The following INTS14 variants were observed in gnomAD, a reference collection of about 807,000 sequenced individuals.
INTS14 encodes the protein UPF0464 protein C15orf44.
Under a neutral mutation model 56.9 loss-of-function variants are expected in INTS14, and 27 were observed. The ratio of observed to expected loss-of-function variants is 0.47; its 90% CI spans 0.35 to 0.65. The LOEUF (loss-of-function observed/expected upper bound fraction) is 0.65. Among genes scored for constraint, INTS14 ranks in the 30% least tolerant of loss-of-function variants. The probability of loss-of-function intolerance (pLI) is 0.00; values close to 1 mark genes in which losing one functional copy is unlikely to be tolerated. For missense variants in INTS14, 517 were observed against 632.2 expected (o/e 0.82, Z 1.95); for synonymous variants, 207 against 236.2 (o/e 0.88, Z 1.13).
Position 65,598,880 on chromosome 15 carries a change from A to G in INTS14, c.597T>C (p.Ser199=). 6.2e-7 allele frequency: 1 copy of G among 1,612,632 alleles called. No homozygotes were observed. Among genetic ancestry groups the G allele is most frequent in the African/African-American group, 1.3e-5 (1 of 75,008 alleles). Residue 199 remains serine (S), a synonymous_variant, in exon 5 of 12, where the codon TCT becomes TCC. Coordinates refer to ENST00000313182, the MANE Select transcript of INTS14 (RefSeq NM_001394796.1). ...TCTAAGCATATACTCACCCAAACATAGACTGTACATTCTTCAAGCACAGGG... is the reference window on the plus strand; with the variant it reads ...TCTAAGCATATACTCACCCAAACATGGACTGTACATTCTTCAAGCACAGGG... ...DGPLCLKNVQ[S]MFGKLIDLAY...
Position 65,591,708 on chromosome 15 carries a change from T to A in INTS14, c.1010A>T (p.Tyr337Phe). 1 of 1,613,994 alleles carries A rather than the reference T, an allele frequency of 6.2e-7. No individual in the cohort carries two copies. Among genetic ancestry groups the A allele is most frequent in the East Asian group, 2.2e-5 (1 of 44,876 alleles). ...QLGPEWHGMLYSQADSKKKSN... is the reference protein window; with the variant it reads ...QLGPEWHGMLFSQADSKKKSN... ...TTTCTTCTTGCTGTCAGCTTGGGAGTAGAGCATTCCATGCCATTCAGGACT... is the reference window on the plus strand; with the variant it reads ...TTTCTTCTTGCTGTCAGCTTGGGAGAAGAGCATTCCATGCCATTCAGGACT... Residue 337 changes from tyrosine to phenylalanine, a missense_variant, in exon 9 of 12, where the codon TAC (tyrosine) becomes TTC (phenylalanine). Transcript: ENST00000313182.
In INTS14 at chr15:65,593,982, AT is replaced by A. The variant is rs2073122305; in HGVS notation, c.842-411del. On this transcript the variant is annotated intron_variant, in intron 7 of 11. Coordinates refer to ENST00000313182, the MANE Select transcript of INTS14 (RefSeq NM_001394796.1). The stretch of plus-strand genomic sequence containing the variant: ...AAAAACCACTTTAAATGGGTGAAGT[AT>A]ATGGTATGTGAATTATATCTCAGTA... 5.9e-5 allele frequency among the ~76,000 whole-genome samples: 9 copies of A among 152,322 alleles called. No individual in the cohort carries two copies. The South Asian group carries it at 1.9e-3, about 32-fold the overall frequency.
chr15:65,604,922 T>C (rs2073589846), intron 3 of INTS14, among the ~76,000 whole-genome samples: 1 of 152,208 alleles, frequency 6.6e-6, no homozygotes, highest in Non-Finnish European at 1.5e-5. Context: ...GTCAATTTAC[T>C]AGGAGGATGC....
chr15:65,583,095 G>A (rs1372200482), intron 10 of INTS14, among the ~76,000 whole-genome samples: 1 of 152,202 alleles, frequency 6.6e-6, no homozygotes, highest in African/African-American at 2.4e-5. Context: ...TAGCAGAAAT[G>A]TAAAATGGTG....
chr15:65,593,281 T>C, intron 8 of INTS14, 147 bp downstream of exon 8: 1 of 929,920 alleles, frequency 1.1e-6, no homozygotes, highest in Non-Finnish European at 1.6e-6. Context: ...AAAAAAGGAC[T>C]GTAGTAGCAG....
chr15:65,596,600 C>T (rs1026611452), intron 6 of INTS14, among the ~76,000 whole-genome samples: 5 of 151,916 alleles, frequency 3.3e-5, no homozygotes, highest in Non-Finnish European at 7.4e-5. Context: ...GATGGAGTTT[C>T]GCTCTTGTTG....
intron 6 of INTS14, among the ~76,000 whole-genome samples, chr15:65,596,684 C>T (rs916888555): frequency 6.6e-6 from 1 of 152,122 alleles, no homozygotes; most frequent in Non-Finnish European, 1.5e-5. Flanking sequence ...GATTCTCCTG[C>T]CTCAGCCTCC....
chr15:65,582,824 C>T (rs1362164503), intron 10 of INTS14, among the ~76,000 whole-genome samples: 1 of 151,852 alleles, frequency 6.6e-6, no homozygotes, highest in Non-Finnish European at 1.5e-5. Flanking sequence ...TCATAATATC[C>T]AGAATATATA....
intron 10 of INTS14, among the ~76,000 whole-genome samples, chr15:65,583,331 A>G (rs1415339747): frequency 2.3e-4 from 35 of 152,252 alleles, no homozygotes; most frequent in Admixed American, 2.3e-3. Context: ...ATACATATAG[A>G]CATATGGAAT....
intron 9 of INTS14, among the ~76,000 whole-genome samples, chr15:65,590,570 C>T (rs752028463): frequency 7.9e-5 from 12 of 152,222 alleles, no homozygotes; most frequent in Non-Finnish European, 1.2e-4. Context: ...TTCTTCCCTT[C>T]ATTAGCTCAG....
At chr15:65,582,986 C>T (rs1185294956) in intron 10 of INTS14, among the ~76,000 whole-genome samples, 1 of 152,014 alleles carries the variant, frequency 6.6e-6, no homozygotes, top group African/African-American at 2.4e-5. Context: ...AAAGACATAC[C>T]ACTTCACACC....
chr15:65,600,234 C>T (rs2073379153), intron 3 of INTS14, among the ~76,000 whole-genome samples: 1 of 151,992 alleles, frequency 6.6e-6, no homozygotes, highest in Non-Finnish European at 1.5e-5. Context: ...TCACTTGAGC[C>T]TGGGAGGTCA....
At chr15:65,592,890 T>TA (rs540614931) in intron 8 of INTS14, among the ~76,000 whole-genome samples, 2 of 151,910 alleles carry the variant, frequency 1.3e-5, no homozygotes, top group Non-Finnish European at 2.9e-5. Context: ...AGAAAGGATA[T>TA]AAAATAAAGG....
At chr15:65,609,140 G>A (rs999388642) in intron 1 of INTS14, among the ~76,000 whole-genome samples, 2 of 152,002 alleles carry the variant, frequency 1.3e-5, no homozygotes, top group African/African-American at 2.4e-5. Flanking sequence ...GGCTGGTCTC[G>A]AACTTCTGAC....
At chr15:65,599,303 TTATC>T (rs2073341268) in intron 4 of INTS14, 1 of 217,006 alleles carries the variant, frequency 4.6e-6, no homozygotes, top group Non-Finnish European at 9.0e-6. Flanking sequence ...AGAACCATCA[TTATC>T]TACATTTTAC....
chr15:65,609,466 G>T (rs886390533), intron 1 of INTS14, among the ~76,000 whole-genome samples: 4 of 151,522 alleles, frequency 2.6e-5, no homozygotes, highest in Non-Finnish European at 5.9e-5. Context: ...CATAACATAC[G>T]CTCACTAAGG....
chr15:65,598,251 T>C, intron 6 of INTS14, 70 bp downstream of exon 6: 1 of 1,473,010 alleles, frequency 6.8e-7, no homozygotes, highest in South Asian at 1.2e-5. Flanking sequence ...GAGAAGAGAG[T>C]AAAAGTCACA....
chr15:65,585,110 G>C (rs1046180327), intron 9 of INTS14, among the ~76,000 whole-genome samples: 5 of 152,038 alleles, frequency 3.3e-5, no homozygotes, highest in African/African-American at 4.8e-5. Context: ...TGTTTTTAAA[G>C]AAACAAGCTT....
intron 10 of INTS14, 148 bp from the exon 11 acceptor site, chr15:65,582,167 A>ATGAC: frequency 1.5e-6 from 1 of 683,674 alleles, no homozygotes; most frequent in Non-Finnish European, 2.4e-6. Flanking sequence ...AGTTAATGTC[A>ATGAC]GTTCAACATT....
Sources: gnomAD v4.1 joint callset for allele counts (sites outside exome capture counted in the v4.1 genomes callset) on GRCh38, gnomAD v4.1.1 for gene constraint, MANE v1.5 for transcripts, NCBI Gene and HGNC (gene_info 2026-07-23, HGNC 2026-07-21) for gene names.